EGLN1: variants seen among roughly 807,000 people sequenced by gnomAD.
The protein encoded by EGLN1 is egl-9 family hypoxia inducible factor 1.
Under a neutral mutation model 38.3 loss-of-function variants are expected in EGLN1, and 17 were observed. That is an observed-to-expected ratio of 0.44 (90% CI 0.30 to 0.67). EGLN1 has a LOEUF of 0.67. EGLN1 is among the 30% of genes least tolerant of loss of function. EGLN1 has a pLI of 0.08. For missense variants in EGLN1, 477 were observed against 603.3 expected, an observed-to-expected ratio of 0.79 and a Z score of 2.19; for synonymous variants, 283 against 257.5, an observed-to-expected ratio of 1.10 and a Z score of -0.95.
intron 1 of EGLN1, among the ~76,000 whole-genome samples, chr1:231,390,972 T>C (rs2739510): frequency 0.54 from 81,567 of 149,726 alleles, 23,995 homozygotes; most frequent in Non-Finnish European, 0.65. Flanking sequence ...CCCAGTCTCC[T>C]GAGTAGCTGG....
chr1:231,376,683 T>A (rs1687966177), intron 1 of EGLN1, among the ~76,000 whole-genome samples: 1 of 152,154 alleles, frequency 6.6e-6, no homozygotes, highest in Non-Finnish European at 1.5e-5. Flanking sequence ...TAAACAGATA[T>A]ATAATGTAAT....
At chr1:231,418,825 G>A (rs1656438578) in intron 1 of EGLN1, among the ~76,000 whole-genome samples, 1 of 148,404 alleles carries the variant, frequency 6.7e-6, no homozygotes, top group African/African-American at 2.5e-5. Flanking sequence ...TTACACCCTT[G>A]TACTCCAGCC....
At chr1:231,368,910 T>C (rs1476119761) in intron 3 of EGLN1, among the ~76,000 whole-genome samples, 1 of 152,162 alleles carries the variant, frequency 6.6e-6, no homozygotes, top group African/African-American at 2.4e-5. Flanking sequence ...TCTTACCATG[T>C]GGCTTCTTCT....
intron 3 of EGLN1, among the ~76,000 whole-genome samples, chr1:231,369,243 C>A (rs760833078): frequency 6.6e-6 from 1 of 152,208 alleles, no homozygotes; most frequent in Non-Finnish European, 1.5e-5. Flanking sequence ...CCCTTCAAAG[C>A]GCACTTGCCC....
chr1:231,405,909 T>C (rs962786940), intron 1 of EGLN1, among the ~76,000 whole-genome samples: 3 of 151,946 alleles, frequency 2.0e-5, no homozygotes, highest in Non-Finnish European at 2.9e-5. Context: ...CTAACCATTA[T>C]AGAAACTATT....
intron 1 of EGLN1, among the ~76,000 whole-genome samples, chr1:231,399,101 A>G (rs577226045): frequency 6.6e-6 from 1 of 152,352 alleles, no homozygotes; most frequent in African/African-American, 2.4e-5. Flanking sequence ...CTAACTAGAG[A>G]AATAGAGTTA....
At chr1:231,396,573 G>A (rs1264120289) in intron 1 of EGLN1, among the ~76,000 whole-genome samples, 1 of 152,020 alleles carries the variant, frequency 6.6e-6, no homozygotes, top group East Asian at 1.9e-4. Context: ...TCTGTCATGA[G>A]CAAATACCCT....
intron 1 of EGLN1, among the ~76,000 whole-genome samples, chr1:231,413,250 A>AT (rs1402322919): frequency 6.6e-6 from 1 of 151,860 alleles, no homozygotes; most frequent in African/African-American, 2.4e-5. Flanking sequence ...TAATTTTTGT[A>AT]TTTTTAGTAG....
At chr1:231,400,775 T>A (rs1688646897) in intron 1 of EGLN1, among the ~76,000 whole-genome samples, 1 of 152,170 alleles carries the variant, frequency 6.6e-6, no homozygotes, top group African/African-American at 2.4e-5. Flanking sequence ...AGAGGCCATG[T>A]CTGGTGGCTC....
intron 1 of EGLN1, among the ~76,000 whole-genome samples, chr1:231,406,169 A>AC (rs1269878064): frequency 4.6e-5 from 7 of 151,808 alleles, no homozygotes; most frequent in Admixed American, 2.6e-4. Flanking sequence ...CCGTCTCAAA[A>AC]AAAAAAAAAA....
chr1:231,400,769 G>A (rs143317881), intron 1 of EGLN1, among the ~76,000 whole-genome samples: 259 of 152,274 alleles, frequency 1.7e-3, no homozygotes, highest in African/African-American at 5.8e-3. Context: ...AAATTGAGAG[G>A]CCATGTCTGG....
intron 1 of EGLN1, among the ~76,000 whole-genome samples, chr1:231,419,584 ATTT>A (rs35954812): frequency 0.15 from 22,903 of 152,064 alleles, 2,118 homozygotes; most frequent in African/African-American, 0.25. Context: ...TTTCTTAAAA[ATTT>A]TATCAATGAA....
chr1:231,381,187 G>A (rs1688070942), intron 1 of EGLN1, among the ~76,000 whole-genome samples: 1 of 152,084 alleles, frequency 6.6e-6, no homozygotes, highest in African/African-American at 2.4e-5. Flanking sequence ...GATTACAGGT[G>A]TGAGCCACCA....
rs569802178 is a variant in EGLN1, at chr1:231,380,992, T to C, written c.892-6893A>G. Among the ~76,000 whole-genome samples the C allele has an allele frequency of 2.0e-5, 3 of 152,264 alleles. No individual in the cohort carries two copies. In the South Asian group the frequency reaches 6.2e-4, roughly 32 times the overall value. On this transcript the variant is annotated intron_variant, in intron 1 of 4. Coordinates refer to ENST00000366641, the MANE Select transcript of EGLN1 (RefSeq NM_022051.3). Reference sequence around the variant, plus strand: ...TGGAGTGCAGTGGCGTGATCATGGTTCACTGCAACTTTGAACATCTGGGAT... The same window carrying C: ...TGGAGTGCAGTGGCGTGATCATGGTCCACTGCAACTTTGAACATCTGGGAT...
chr1:231,399,222 C>T (rs1017389821), intron 1 of EGLN1, among the ~76,000 whole-genome samples: 31 of 152,288 alleles, frequency 2.0e-4, no homozygotes, highest in Non-Finnish European at 3.8e-4. Flanking sequence ...TACAGTGTTT[C>T]AGACCCTATA....
At chr1:231,409,940 C>A (rs1213425914) in intron 1 of EGLN1, among the ~76,000 whole-genome samples, 1 of 151,964 alleles carries the variant, frequency 6.6e-6, no homozygotes, top group Non-Finnish European at 1.5e-5. Flanking sequence ...TCAACACAGG[C>A]AAACTAGTTT....
At chr1:231,410,705 A>C (rs1411732369) in intron 1 of EGLN1, among the ~76,000 whole-genome samples, 2 of 152,052 alleles carry the variant, frequency 1.3e-5, no homozygotes, top group Non-Finnish European at 2.9e-5. Flanking sequence ...AAAAACTACC[A>C]TTGTAAGTTG....
At position 231,407,681 on chromosome 1, in the gene EGLN1, A is replaced by G. The variant is rs151056752; in HGVS notation, c.891+13317T>C. ...CTCTCCATTAGATTCATGGATGTGT[A>G]AAGTTCTATTGCAGTTCATAACCTC... is the stretch of plus-strand genomic sequence containing the variant. On this transcript the variant is annotated intron_variant, in intron 1 of 4. Coordinates refer to ENST00000366641, the MANE Select transcript of EGLN1 (RefSeq NM_022051.3). Among the ~76,000 whole-genome samples, 932 of 152,270 alleles carry G rather than the reference A, an allele frequency of 6.1e-3. 3 individuals carry two copies. Among genetic ancestry groups the G allele is most frequent in the Non-Finnish European group, 9.8e-3 (664 of 68,020 alleles).
intron 1 of EGLN1, among the ~76,000 whole-genome samples, chr1:231,403,212 G>A (rs1688705394): frequency 6.6e-6 from 1 of 152,108 alleles, no homozygotes; most frequent in Non-Finnish European, 1.5e-5. Flanking sequence ...CGTATTTTAT[G>A]CTGTTAATGC....
Sources: gnomAD v4.1 joint callset for allele counts (sites outside exome capture counted in the v4.1 genomes callset) on GRCh38, gnomAD v4.1.1 for gene constraint, MANE v1.5 for transcripts, NCBI Gene and HGNC (gene_info 2026-07-23, HGNC 2026-07-21) for gene names.